Variants in NAV3 observed in about 807,000 individuals in gnomAD.
NAV3 encodes the protein pore membrane and/or filament interacting like protein 1.
NAV3 carries 87 observed loss-of-function variants against 244.7 expected under a neutral mutation model. The observed-to-expected ratio is 0.36, with a 90% confidence interval of 0.30 to 0.42. The LOEUF (loss-of-function observed/expected upper bound fraction) is 0.42, where lower values mean the gene tolerates loss of function less well. NAV3 is among the 20% of genes least tolerant of loss of function. NAV3 has a pLI of 1.00. For synonymous variants in NAV3, 1,126 were observed against 1,042.2 expected, an observed-to-expected ratio of 1.08 and a Z score of -1.55; for missense variants, 2,663 against 2,893.3, an observed-to-expected ratio of 0.92 and a Z score of 1.83.
At chr12:77,777,995 A>T (rs1592674117) in intron 2 of NAV3, among the ~76,000 whole-genome samples, 1 of 151,932 alleles carries the variant, frequency 6.6e-6, no homozygotes, top group African/African-American at 2.4e-5. Context: ...TAGTAGAGAC[A>T]GGGTTTCACC....
chr12:78,171,052 G>T (rs1957979550), intron 24 of NAV3, among the ~76,000 whole-genome samples: 1 of 151,658 alleles, frequency 6.6e-6, no homozygotes, highest in Non-Finnish European at 1.5e-5. Context: ...TTTAAAAGAA[G>T]AATAAAGTAA....
chr12:77,840,869 A>C (rs1213989870), intron 1 of NAV3, among the ~76,000 whole-genome samples: 2 of 152,222 alleles, frequency 1.3e-5, no homozygotes, highest in Non-Finnish European at 2.9e-5. Context: ...TGTATAGACA[A>C]TCAGCAGTCA....
intron 22 of NAV3, among the ~76,000 whole-genome samples, chr12:78,158,493 A>G (rs1441394945): frequency 1.3e-5 from 2 of 152,278 alleles, no homozygotes; most frequent in Non-Finnish European, 2.9e-5. Flanking sequence ...CAATATGTAT[A>G]ATTCTCTAAT....
At chr12:77,857,121 A>G (rs1878511344) in intron 1 of NAV3, among the ~76,000 whole-genome samples, 1 of 152,082 alleles carries the variant, frequency 6.6e-6, no homozygotes, top group East Asian at 1.9e-4. Flanking sequence ...TCAAGCATGA[A>G]AGTTGGAATC....
intron 38 of NAV3, among the ~76,000 whole-genome samples, chr12:78,201,024 ACT>A (rs1280148444): frequency 2.7e-5 from 1 of 37,572 alleles, no homozygotes; most frequent in Non-Finnish European, 5.2e-5. Flanking sequence ...CCCCCTCCCC[ACT>A]CTCTCTCTTT....
chr12:78,042,090 G>A (rs1042665745), intron 9 of NAV3, among the ~76,000 whole-genome samples: 4 of 151,572 alleles, frequency 2.6e-5, no homozygotes, highest in African/African-American at 7.3e-5. Context: ...TTTATTGAAA[G>A]TGCCCATCAT....
intron 34 of NAV3, among the ~76,000 whole-genome samples, chr12:78,195,238 C>G (rs546532773): frequency 6.6e-6 from 1 of 151,980 alleles, no homozygotes; most frequent in East Asian, 1.9e-4. Flanking sequence ...TTTTTATTGC[C>G]ACCACCAGTA....
chr12:77,836,632 T>C (rs575774280), intron 1 of NAV3, among the ~76,000 whole-genome samples: 1 of 152,292 alleles, frequency 6.6e-6, no homozygotes, highest in East Asian at 1.9e-4. Context: ...TTAAAGTTTG[T>C]TCAAAGGAAG....
intron 1 of NAV3, among the ~76,000 whole-genome samples, chr12:77,910,648 C>T (rs1886488571): frequency 6.6e-6 from 1 of 152,094 alleles, no homozygotes; most frequent in South Asian, 2.1e-4. Flanking sequence ...CTCTGAGGAG[C>T]TGCAGTTCCA....
At chr12:77,779,441 CG>C (rs1565810828) in intron 2 of NAV3, among the ~76,000 whole-genome samples, 5 of 151,906 alleles carry the variant, frequency 3.3e-5, no homozygotes, top group African/African-American at 1.2e-4. Context: ...AGAACTAATA[CG>C]TACAGGTAGG....
At chr12:77,886,004 C>A (rs1477407490) in intron 1 of NAV3, among the ~76,000 whole-genome samples, 1 of 152,000 alleles carries the variant, frequency 6.6e-6, no homozygotes, top group African/African-American at 2.4e-5. Flanking sequence ...TCAGTTCTCC[C>A]CTTGTCTACC....
intron 34 of NAV3, among the ~76,000 whole-genome samples, chr12:78,195,680 A>G (rs1393144639): frequency 6.6e-6 from 1 of 151,896 alleles, no homozygotes; most frequent in Non-Finnish European, 1.5e-5. Flanking sequence ...CATTTTGTAA[A>G]TTCATCATTA....
intron 2 of NAV3, among the ~76,000 whole-genome samples, chr12:77,659,533 A>C (rs1409455882): frequency 6.6e-6 from 1 of 152,218 alleles, no homozygotes; most frequent in Non-Finnish European, 1.5e-5. Flanking sequence ...TAGTTCAACC[A>C]TTGTGGAAGT....
At chr12:77,862,309 G>A (rs1468980751) in intron 1 of NAV3, among the ~76,000 whole-genome samples, 2 of 151,788 alleles carry the variant, frequency 1.3e-5, no homozygotes, top group African/African-American at 4.8e-5. Flanking sequence ...TTGGTGTGAC[G>A]TTTTAATTAT....
chr12:77,965,417 C>T (rs912145154), intron 3 of NAV3, among the ~76,000 whole-genome samples: 11 of 152,066 alleles, frequency 7.2e-5, no homozygotes, highest in Admixed American at 1.3e-4. Context: ...GTCAGTGGTT[C>T]GAGACCAGTC....
At chr12:77,599,661 C>CTT (rs202021200) in intron 2 of NAV3, among the ~76,000 whole-genome samples, 2 of 151,242 alleles carry the variant, frequency 1.3e-5, no homozygotes, top group African/African-American at 4.9e-5. Context: ...TTTTCAAACC[C>CTT]TTTTTTTTAT....
chr12:77,622,528 A>G (rs960238854), intron 2 of NAV3, among the ~76,000 whole-genome samples: 2 of 142,218 alleles, frequency 1.4e-5, no homozygotes, highest in African/African-American at 2.7e-5. Flanking sequence ...GTGTTCATCC[A>G]TATGGATTTT....
intron 13 of NAV3, 30 bp from the exon 14 acceptor site, chr12:78,117,997 A>G (rs747417248): frequency 9.9e-6 from 15 of 1,521,202 alleles, no homozygotes; most frequent in Admixed American, 4.2e-5. Context: ...TTTTCTACAT[A>G]AAGTTTTTCT....
intron 1 of NAV3, among the ~76,000 whole-genome samples, chr12:77,855,788 G>A (rs954018592): frequency 6.6e-6 from 1 of 152,214 alleles, no homozygotes. Context: ...AGATGTATGA[G>A]TGAGTCGTTG....
Sources: allele counts gnomAD v4.1 joint callset (sites outside exome capture counted in the v4.1 genomes callset), GRCh38; gene constraint gnomAD v4.1.1; transcripts MANE v1.5; gene names NCBI Gene and HGNC (gene_info 2026-07-23, HGNC 2026-07-21).